SLCO1B1: variants seen among roughly 807,000 people sequenced by gnomAD.
SLCO1B1 encodes OATP-2.
Under a neutral mutation model 70.1 loss-of-function variants are expected in SLCO1B1, and 81 were observed. That is an observed-to-expected ratio of 1.16 (90% CI 0.97 to 1.39). The LOEUF is 1.39. SLCO1B1 is among the 40% of genes most tolerant of loss of function. The pLI is 0.00. For synonymous variants in SLCO1B1, 283 were observed against 271.5 expected (o/e 1.04, Z -0.42); for missense variants, 895 against 799.6 (o/e 1.12, Z -1.44).
intron 1 of SLCO1B1, among the ~76,000 whole-genome samples, chr12:21,133,664 A>AT (rs1003081153): frequency 7.9e-5 from 12 of 152,162 alleles, no homozygotes; most frequent in African/African-American, 2.9e-4. Context: ...AATGCTTGTG[A>AT]TTTTTATACA....
At chr12:21,149,151 C>T (rs1220202233) in intron 2 of SLCO1B1, among the ~76,000 whole-genome samples, 4 of 152,110 alleles carry the variant, frequency 2.6e-5, no homozygotes, top group African/African-American at 9.7e-5. Context: ...TCTAAATATA[C>T]AATCATATCA....
At chr12:21,218,180 G>A (rs1941382464) in intron 12 of SLCO1B1, among the ~76,000 whole-genome samples, 1 of 152,170 alleles carries the variant, frequency 6.6e-6, no homozygotes, top group Non-Finnish European at 1.5e-5. Context: ...AAGAGCTGGT[G>A]TGTTTGAGAA....
At chr12:21,214,446 GA>G (rs1941331449) in intron 11 of SLCO1B1, among the ~76,000 whole-genome samples, 1 of 147,246 alleles carries the variant, frequency 6.8e-6, no homozygotes, top group Admixed American at 6.7e-5. Flanking sequence ...CGTGCCGGGA[GA>G]ACCACTGCTC....
intron 2 of SLCO1B1, among the ~76,000 whole-genome samples, chr12:21,160,865 T>A (rs1156711793): frequency 1.3e-5 from 2 of 152,126 alleles, no homozygotes; most frequent in East Asian, 1.9e-4. Flanking sequence ...GAACAGACAC[T>A]TTTCAAAAGA....
chr12:21,134,500 T>A (rs1940189173), intron 1 of SLCO1B1, among the ~76,000 whole-genome samples: 1 of 152,126 alleles, frequency 6.6e-6, no homozygotes, highest in African/African-American at 2.4e-5. Context: ...GAGTATTGCC[T>A]CAATTTCAGA....
intron 11 of SLCO1B1, among the ~76,000 whole-genome samples, chr12:21,211,102 A>G (rs1225980536): frequency 2.6e-5 from 4 of 152,190 alleles, no homozygotes; most frequent in African/African-American, 9.7e-5. Context: ...ACTCTGTTGA[A>G]TAGGAGTGGT....
intron 12 of SLCO1B1, among the ~76,000 whole-genome samples, chr12:21,218,155 C>A (rs561521943): frequency 3.5e-4 from 53 of 152,004 alleles, no homozygotes; most frequent in African/African-American, 1.1e-3. Context: ...TTGGTGCTGA[C>A]GCCTTAATAC....
At chr12:21,146,069 A>G (rs1026254311) in intron 2 of SLCO1B1, among the ~76,000 whole-genome samples, 5 of 152,146 alleles carry the variant, frequency 3.3e-5, no homozygotes, top group Admixed American at 2.0e-4. Context: ...CAGTGAAACC[A>G]TGTAGGCCTG....
intron 8 of SLCO1B1, among the ~76,000 whole-genome samples, chr12:21,197,777 A>G (rs535054317): frequency 2.5e-4 from 38 of 152,260 alleles, no homozygotes; most frequent in African/African-American, 7.0e-4. Context: ...CTATCTATCT[A>G]TCTTATCTAA....
chr12:21,228,426 G>T (rs1237043916), intron 14 of SLCO1B1, among the ~76,000 whole-genome samples: 1 of 152,012 alleles, frequency 6.6e-6, no homozygotes, highest in Non-Finnish European at 1.5e-5. Context: ...CTGTTTTCTT[G>T]TTCCTTTAAG....
chr12:21,167,625 T>G (rs949350778), intron 2 of SLCO1B1, among the ~76,000 whole-genome samples: 7 of 152,154 alleles, frequency 4.6e-5, no homozygotes, highest in African/African-American at 1.7e-4. Flanking sequence ...AACCAATTTT[T>G]AAGTGTACAA....
rs552102215 is a variant in SLCO1B1, at chr12:21,230,229, G to A, written c.1865+5390G>A. Among the ~76,000 whole-genome samples the A allele has an allele frequency of 5.6e-4, 85 of 151,360 alleles. 1 individual carries two copies. In the South Asian group the frequency reaches 0.012, roughly 21 times the overall value. Reference sequence around the variant, plus strand: ...CCTGAGGGAAATCCCACTTAGTCATGATGTATACTATATTTATACATTGTT... The same window carrying A: ...CCTGAGGGAAATCCCACTTAGTCATAATGTATACTATATTTATACATTGTT... On this transcript the variant is annotated intron_variant, in intron 14 of 14. Coordinates refer to ENST00000256958, the MANE Select transcript of SLCO1B1 (RefSeq NM_006446.5).
chr12:21,238,092 A>C (rs1021762034), intron 14 of SLCO1B1, among the ~76,000 whole-genome samples: 83 of 152,222 alleles, frequency 5.5e-4, no homozygotes, highest in African/African-American at 2.0e-3. Context: ...ACCCACTTAT[A>C]TAATTGTCTC....
intron 1 of SLCO1B1, among the ~76,000 whole-genome samples, chr12:21,140,824 G>C (rs1940298018): frequency 6.6e-6 from 1 of 152,038 alleles, no homozygotes; most frequent in African/African-American, 2.4e-5. Flanking sequence ...AGAGTTAGAG[G>C]AAGAATCTTT....
chr12:21,177,875 AC>A (rs1432458180), intron 5 of SLCO1B1, among the ~76,000 whole-genome samples: 1 of 152,182 alleles, frequency 6.6e-6, no homozygotes, highest in Admixed American at 6.5e-5. Context: ...ACAACATGGA[AC>A]AATTGTTATA....
At chr12:21,140,305 A>C (rs1940290871) in intron 1 of SLCO1B1, among the ~76,000 whole-genome samples, 1 of 152,080 alleles carries the variant, frequency 6.6e-6, no homozygotes, top group Non-Finnish European at 1.5e-5. Context: ...GCTTATATAG[A>C]TATCTTAGAT....
In SLCO1B1 at chr12:21,216,148, A is replaced by G. The variant is rs150993615; in HGVS notation, c.1498-971A>G. On this transcript the variant is annotated intron_variant, in intron 11 of 14. Transcript: ENST00000256958. Reference sequence around the variant, plus strand: ...GTTTTTATTATTTATTTATTTGTGTATTTATTTATTTATTACTAAATCCTC... The same window carrying G: ...GTTTTTATTATTTATTTATTTGTGTGTTTATTTATTTATTACTAAATCCTC... Among the ~76,000 whole-genome samples the G allele has an allele frequency of 5.6e-3, 848 of 152,160 alleles. 4 individuals carry two copies. The highest frequency in any genetic ancestry group is 9.2e-3 in the Non-Finnish European group (628 of 67,968).
At chr12:21,190,569 C>T (rs1941018389) in intron 7 of SLCO1B1, among the ~76,000 whole-genome samples, 2 of 152,120 alleles carry the variant, frequency 1.3e-5, no homozygotes, top group South Asian at 4.1e-4. Flanking sequence ...TGTTGTTTTT[C>T]GTTACATGGG....
rs1232490480 is a variant in SLCO1B1, at chr12:21,174,559, A to G, written c.227-18A>G. The G allele has an allele frequency of 6.2e-7, 1 of 1,612,122 alleles. No individual in the cohort carries two copies. The highest frequency in any genetic ancestry group is 1.7e-5 in the Admixed American group (1 of 59,950). ...AATTGAACTAAGCTGTATCAACATAATTTTGTTCCCTTTCTAGGAAATTTG... is the reference window on the plus strand; with the variant it reads ...AATTGAACTAAGCTGTATCAACATAGTTTTGTTCCCTTTCTAGGAAATTTG... On this transcript the variant is annotated intron_variant, in intron 3 of 14. Transcript: ENST00000256958.
Sources: gnomAD v4.1 joint callset for allele counts (sites outside exome capture counted in the v4.1 genomes callset) on GRCh38, gnomAD v4.1.1 for gene constraint, MANE v1.5 for transcripts, NCBI Gene and HGNC (gene_info 2026-07-23, HGNC 2026-07-21) for gene names.